Variants in DENND4C observed in about 807,000 individuals in gnomAD.
DENND4C encodes the protein DENN domain containing 4C, also known as DENN domain-containing protein 4C.
Under a neutral mutation model 203.0 loss-of-function variants are expected in DENND4C, and 108 were observed. The ratio of observed to expected loss-of-function variants is 0.53; its 90% CI spans 0.46 to 0.62. The LOEUF is 0.62. DENND4C is among the 20% of genes least tolerant of loss of function. DENND4C has a pLI of 0.00. For missense variants in DENND4C, 2,481 were observed against 2,301.2 expected, an observed-to-expected ratio of 1.08 and a Z score of -1.60; for synonymous variants, 871 against 792.4, an observed-to-expected ratio of 1.10 and a Z score of -1.67.
Position 19,326,092 on chromosome 9 carries a change from G to A in DENND4C, c.2018G>A (p.Arg673Lys). The A allele has an allele frequency of 6.2e-7, 1 of 1,612,054 alleles. No homozygotes were observed. Among genetic ancestry groups the A allele is most frequent in the Admixed American group, 1.7e-5 (1 of 59,582 alleles). Residue 673 changes from arginine (R) to lysine (K), a missense_variant, in exon 15 of 33, where the codon AGA (arginine) becomes AAA (lysine). By Grantham distance (26) the Arg-to-Lys change is conservative. Transcript: ENST00000434457. ...GATTTTGATTCAGCAGAAGATACCA[G>A]ATTGATAGAACTAGATGATTCACAG... ...KVDFDSAEDTRLIELDDSQKS... is the reference protein window; with the variant it reads ...KVDFDSAEDTKLIELDDSQKS...
intron 17 of DENND4C, among the ~76,000 whole-genome samples, chr9:19,332,705 G>A (rs1190041687): frequency 6.7e-6 from 1 of 148,716 alleles, no homozygotes; most frequent in Non-Finnish European, 1.5e-5. Context: ...CTCCTCTCTC[G>A]CCCAGGCTGG....
rs557594316 is a variant in DENND4C, at chr9:19,277,306, C to T, written c.305+827C>T. Among the ~76,000 whole-genome samples, 7 of 152,172 alleles carry T rather than the reference C, an allele frequency of 4.6e-5. No individual in the cohort carries two copies. In the East Asian group the frequency reaches 5.8e-4, roughly 13 times the overall value. ...GTATTGTCATCTTTACAATATTAAA[C>T]GATTCAGCTTGTGAACGTGGAATGT... On this transcript the variant is annotated intron_variant, in intron 2 of 32. Transcript: ENST00000434457.
At chr9:19,315,205 T>TA (rs1390295769) in intron 10 of DENND4C, among the ~76,000 whole-genome samples, 1 of 147,646 alleles carries the variant, frequency 6.8e-6, no homozygotes, top group Non-Finnish European at 1.5e-5. Context: ...CTTTCAAGGG[T>TA]ACCAGTTTTA....
chr9:19,330,047 A>G (rs1477355201), intron 16 of DENND4C, among the ~76,000 whole-genome samples: 1 of 152,194 alleles, frequency 6.6e-6, no homozygotes, highest in Non-Finnish European at 1.5e-5. Flanking sequence ...AGATATCCTG[A>G]GGTATTTCCT....
At chr9:19,303,922 A>G (rs1839112085) in intron 9 of DENND4C, among the ~76,000 whole-genome samples, 1 of 151,536 alleles carries the variant, frequency 6.6e-6, no homozygotes, top group African/African-American at 2.4e-5. Flanking sequence ...TCTGTTGTCC[A>G]GGCTGGCCTT....
intron 28 of DENND4C, among the ~76,000 whole-genome samples, chr9:19,359,553 T>C (rs886290620): frequency 6.6e-6 from 1 of 151,860 alleles, no homozygotes; most frequent in African/African-American, 2.4e-5. Flanking sequence ...AGATGTTTTA[T>C]GCTTATGTTA....
At chr9:19,331,091 C>G (rs1819029016) in intron 16 of DENND4C, among the ~76,000 whole-genome samples, 1 of 151,454 alleles carries the variant, frequency 6.6e-6, no homozygotes, top group Non-Finnish European at 1.5e-5. Flanking sequence ...CAAAACTCAC[C>G]AGATGATTTT....
chr9:19,344,845 T>C (rs1448399575), intron 22 of DENND4C, among the ~76,000 whole-genome samples: 3 of 152,128 alleles, frequency 2.0e-5, no homozygotes, highest in Admixed American at 2.0e-4. Context: ...AATTTATTTC[T>C]TATAGTTCTA....
chr9:19,295,630 A>G (rs1203345041), intron 5 of DENND4C, among the ~76,000 whole-genome samples: 1 of 150,806 alleles, frequency 6.6e-6, no homozygotes, highest in African/African-American at 2.5e-5. Flanking sequence ...AGATTGCGCT[A>G]CTGCACTCCA....
intron 1 of DENND4C, among the ~76,000 whole-genome samples, chr9:19,256,431 C>G (rs569973835): frequency 1.3e-5 from 2 of 150,036 alleles, no homozygotes; most frequent in Non-Finnish European, 3.0e-5. Flanking sequence ...ATTCTCCTGT[C>G]GCAGCCTCCC....
intron 17 of DENND4C, among the ~76,000 whole-genome samples, chr9:19,334,501 A>T (rs953054802): frequency 2.6e-5 from 4 of 151,166 alleles, no homozygotes; most frequent in African/African-American, 9.7e-5. Flanking sequence ...GCATTAATGA[A>T]TAGGTTTGTT....
intron 26 of DENND4C, among the ~76,000 whole-genome samples, chr9:19,355,839 CTAT>C (rs1248638110): frequency 2.0e-5 from 3 of 151,972 alleles, no homozygotes; most frequent in East Asian, 3.8e-4. Context: ...ATTGACTTTT[CTAT>C]TATTATTATC....
intron 30 of DENND4C, among the ~76,000 whole-genome samples, chr9:19,365,323 A>T (rs184992457): frequency 2.0e-4 from 31 of 152,338 alleles, no homozygotes; most frequent in Non-Finnish European, 3.4e-4. Flanking sequence ...CAGGAGGCAC[A>T]GCCAAATCAT....
At position 19,296,087 on chromosome 9, in the gene DENND4C, T is replaced by G; in HGVS notation, c.881T>G (p.Leu294Trp). 5 of 1,614,112 alleles carry G rather than the reference T, an allele frequency of 3.1e-6. No homozygotes were observed. Among genetic ancestry groups the G allele is most frequent in the Non-Finnish European group, 4.2e-6 (5 of 1,180,010 alleles). ...LSEKQLMHLG[L>W]LTPVERKMVS... ...GAGAAACAGCTTATGCACCTGGGCT[T>G]GTTGACGCCTGTGGAGAGAAAAATG... The change falls in exon 6 of 33, where the codon TTG (leucine) becomes TGG (tryptophan). Residue 294 changes from leucine (L) to tryptophan (W), a missense_variant. Coordinates refer to ENST00000434457, the MANE Select transcript of DENND4C (RefSeq NM_001330640.2).
chr9:19,297,115 T>A lies in DENND4C; in HGVS notation c.1040+869T>A, dbSNP rs373923253. ...TCTGTTTATGATAGTTTATAATTTA[T>A]GTATCCTGCTAACAAACTAAAAAGT... On this transcript the variant is annotated intron_variant, in intron 6 of 32. Coordinates refer to ENST00000434457, the MANE Select transcript of DENND4C (RefSeq NM_001330640.2). Among the ~76,000 whole-genome samples the A allele has an allele frequency of 3.3e-5, 5 of 152,348 alleles. No individual in the cohort carries two copies. In the East Asian group the frequency reaches 9.6e-4, roughly 29 times the overall value.
chr9:19,296,181 T>A lies in DENND4C; in HGVS notation c.975T>A (p.Phe325Leu). 6.2e-7 allele frequency: 1 copy of A among 1,614,014 alleles called. No individual in the cohort carries two copies. The highest frequency in any genetic ancestry group is 2.2e-5 in the East Asian group (1 of 44,856). ...CACACTGGCCTTTTTTTGAAGCTTT[T>A]AGGAAATTTCTTATGTTTATCTACA... Reference protein sequence around the residue: ...LLSHWPFFEAFRKFLMFIYKL... With the variant: ...LLSHWPFFEALRKFLMFIYKL... Residue 325 changes from phenylalanine (F) to leucine (L), a missense_variant, in exon 6 of 33, where the codon TTT (phenylalanine) becomes TTA (leucine). Phe to Leu is a conservative substitution (Grantham distance 22). Around this residue, in one of 3 missense-constraint regions of DENND4C, gnomAD observed 2,289 missense variants for 2,113.3 expected, o/e 1.08. Coordinates refer to ENST00000434457, the MANE Select transcript of DENND4C (RefSeq NM_001330640.2).
intron 12 of DENND4C, among the ~76,000 whole-genome samples, chr9:19,321,369 CA>C (rs1312083706): frequency 6.6e-6 from 1 of 151,992 alleles, no homozygotes; most frequent in Non-Finnish European, 1.5e-5. Flanking sequence ...TGGGAGATAT[CA>C]AGAGCACCTT....
chr9:19,250,080 A>C (rs933771081), intron 1 of DENND4C, among the ~76,000 whole-genome samples: 1 of 152,160 alleles, frequency 6.6e-6, no homozygotes, highest in Non-Finnish European at 1.5e-5. Context: ...GGACGATTGC[A>C]TGAGGCCAGG....
At chr9:19,276,507 G>T (rs1832919922) in intron 2 of DENND4C, 28 bp downstream of exon 2, 1 of 1,214,952 alleles carries the variant, frequency 8.2e-7, no homozygotes, top group Non-Finnish European at 1.0e-6. Context: ...CTTTGCTATA[G>T]TGAAGGAGTA....
Sources: allele counts gnomAD v4.1 joint callset (sites outside exome capture counted in the v4.1 genomes callset), GRCh38; gene constraint gnomAD v4.1.1; regional missense constraint gnomAD v4.1.1; transcripts MANE v1.5; gene names NCBI Gene and HGNC (gene_info 2026-07-23, HGNC 2026-07-21).